Variants in CREBRF observed in about 807,000 individuals in gnomAD.
CREBRF encodes the protein CREB3 regulatory factor, also known as UPF0474 protein C5orf41.
A neutral mutation model predicts 66.1 loss-of-function variants in CREBRF; 5 were observed. The observed-to-expected ratio is 0.08, with a 90% CI of 0.04 to 0.16. CREBRF has a LOEUF of 0.16. Among genes scored for constraint, CREBRF ranks in the 10% least tolerant of loss-of-function variants. The pLI, the probability that CREBRF is intolerant of heterozygous loss-of-function variation, is 1.00. For synonymous variants in CREBRF, 229 were observed against 264.4 expected (o/e 0.87, Z 1.30); for missense variants, 531 against 744.9 (o/e 0.71, Z 3.34).
rs1006412978 is a variant in CREBRF, at chr5:173,135,774, C to A, written c.*2029C>A. The A allele has an allele frequency of 1.3e-5, 2 of 152,304 alleles. No homozygotes were observed. Among genetic ancestry groups the A allele is most frequent in the African/African-American group, 4.8e-5 (2 of 41,424 alleles). 9.4% of individuals were successfully genotyped at this position (152,304 alleles called of 1,614,324 possible). A position where few individuals can be genotyped will look rare whatever the true frequency, so the allele number is the denominator to read the frequency against. ...ACCCAGTAACAAATGAACAATGTTG[C>A]TTACCTGCTTCTTTGACATCTTAAA... On this transcript the variant is annotated 3_prime_UTR_variant, in exon 9 of 9. Transcript: ENST00000296953.
At chr5:173,124,693 A>G (rs985634416) in intron 8 of CREBRF, 1 of 151,658 alleles carries the variant, frequency 6.6e-6, no homozygotes, top group African/African-American at 2.4e-5. Flanking sequence ...GCTAAGTTAT[A>G]TCTTAGAGTT....
intron 4 of CREBRF, among the ~76,000 whole-genome samples, chr5:173,105,768 G>A (rs1441354398): frequency 6.6e-6 from 1 of 151,770 alleles, no homozygotes; most frequent in African/African-American, 2.4e-5. Context: ...CTGGCCATGA[G>A]GGCCTTTTTA....
Position 173,069,906 on chromosome 5 carries a change from A to AT in CREBRF, c.-191-10679_-191-10678insT, listed in dbSNP as rs1757548461. The stretch of plus-strand genomic sequence containing the variant: ...AAATCTGAGAAAGGAGGAAGGAAAC[A>AT]ATTTTTTTTTTTTTTGAGACGGAAT... On this transcript the variant is annotated intron_variant, in intron 1 of 8. Transcript: ENST00000296953. Among the ~76,000 whole-genome samples the AT allele has an allele frequency of 2.0e-5, 3 of 149,790 alleles. No individual in the cohort carries two copies. In the South Asian group the frequency reaches 6.7e-4, roughly 33 times the overall value.
At chr5:173,099,368 C>A (rs1463151734) in intron 4 of CREBRF, among the ~76,000 whole-genome samples, 1 of 152,128 alleles carries the variant, frequency 6.6e-6, no homozygotes, top group African/African-American at 2.4e-5. Flanking sequence ...GTTGCCTAGG[C>A]TGGTCTTGAA....
intron 1 of CREBRF, among the ~76,000 whole-genome samples, chr5:173,065,277 G>A (rs1453084239): frequency 6.6e-6 from 1 of 152,188 alleles, no homozygotes; most frequent in East Asian, 1.9e-4. Context: ...AAGATGTGTA[G>A]TGTGGGGTTG....
chr5:173,104,621 A>C (rs1758706274), intron 4 of CREBRF, among the ~76,000 whole-genome samples: 1 of 152,066 alleles, frequency 6.6e-6, no homozygotes, highest in Non-Finnish European at 1.5e-5. Context: ...TCGAGGCTGC[A>C]GTGAGTTGTG....
chr5:173,070,247 G>A (rs1757557834), intron 1 of CREBRF, among the ~76,000 whole-genome samples: 2 of 152,116 alleles, frequency 1.3e-5, no homozygotes, highest in African/African-American at 4.8e-5. Context: ...CAGCATCAAA[G>A]TTGTTACAGT....
chr5:173,129,180 G>T (rs543978147), intron 8 of CREBRF, among the ~76,000 whole-genome samples: 1 of 133,008 alleles, frequency 7.5e-6, no homozygotes, highest in Non-Finnish European at 1.5e-5. Flanking sequence ...GCAGTGGCGC[G>T]ATCTCGGCTC....
chr5:173,105,225 ATG>A (rs34768667), intron 4 of CREBRF, among the ~76,000 whole-genome samples: 21,960 of 145,758 alleles, frequency 0.15, 1,808 homozygotes, highest in African/African-American at 0.23. Context: ...GTGTGTATAT[ATG>A]TGTGTGTGTG....
intron 7 of CREBRF, among the ~76,000 whole-genome samples, chr5:173,119,312 A>G (rs550123284): frequency 6.6e-6 from 1 of 152,290 alleles, no homozygotes; most frequent in South Asian, 2.1e-4. Context: ...TGGACCTGGT[A>G]TCTCTCTCTA....
chr5:173,133,931 C>A lies in CREBRF; in HGVS notation c.*186C>A. ...ATACTTGATTATTGCATTTTCAGAG[C>A]ATAAACCATGATTAAAACTGCTACT... On this transcript the variant is annotated 3_prime_UTR_variant, in exon 9 of 9. Coordinates refer to ENST00000296953, the MANE Select transcript of CREBRF (RefSeq NM_153607.3). The A allele has an allele frequency of 2.5e-6, 1 of 403,928 alleles. No homozygotes were observed. Among genetic ancestry groups the A allele is most frequent in the Non-Finnish European group, 4.4e-6 (1 of 224,780 alleles). 25.0% of individuals were successfully genotyped at this position (403,928 alleles called of 1,614,324 possible).
chr5:173,112,831 G>A (rs780967691), intron 7 of CREBRF, among the ~76,000 whole-genome samples: 3 of 152,074 alleles, frequency 2.0e-5, no homozygotes, highest in African/African-American at 7.2e-5. Context: ...TTTAGGCTTC[G>A]TATGAATAAT....
At chr5:173,076,692 G>A (rs1757774232) in intron 1 of CREBRF, among the ~76,000 whole-genome samples, 2 of 149,498 alleles carry the variant, frequency 1.3e-5, no homozygotes, top group South Asian at 4.2e-4. Flanking sequence ...GGAGGTGGAG[G>A]TTGCAGTGAG....
chr5:173,123,099 C>A lies in CREBRF; in HGVS notation c.1701C>A (p.Ile567=), dbSNP rs777246701. 1.6e-5 allele frequency: 26 copies of A among 1,599,474 alleles called. No individual in the cohort carries two copies. Among genetic ancestry groups the A allele is most frequent in the Non-Finnish European group, 2.1e-5 (25 of 1,176,120 alleles). The change falls in exon 8 of 9, where the codon ATC becomes ATA. Residue 567 remains isoleucine (I), a synonymous_variant. Transcript: ENST00000296953. ...NTEYDNLLFV[I]NSIKQEIVNR... ...TTACAGATAATTTATTGTTTGTAAT[C>A]AACTCCATCAAGCAAGAGATTGTAA...
intron 1 of CREBRF, among the ~76,000 whole-genome samples, chr5:173,067,568 T>C (rs1285211638): frequency 6.6e-6 from 1 of 152,224 alleles, no homozygotes; most frequent in East Asian, 1.9e-4. Flanking sequence ...AAATTTTATA[T>C]GAAATTTCAT....
intron 1 of CREBRF, among the ~76,000 whole-genome samples, chr5:173,066,793 G>A (rs1432955924): frequency 2.1e-5 from 3 of 139,780 alleles, no homozygotes; most frequent in Admixed American, 1.4e-4. Context: ...ATATTGTGTC[G>A]TATATTCATT....
At chr5:173,079,339 T>A (rs1314553655) in intron 1 of CREBRF, among the ~76,000 whole-genome samples, 1 of 151,792 alleles carries the variant, frequency 6.6e-6, no homozygotes, top group African/African-American at 2.4e-5. Flanking sequence ...GTTGCTTGCC[T>A]GTAATCTCAG....
chr5:173,066,438 GGTA>G (rs1353003219), intron 1 of CREBRF, among the ~76,000 whole-genome samples: 1 of 151,964 alleles, frequency 6.6e-6, no homozygotes, highest in Non-Finnish European at 1.5e-5. Flanking sequence ...AACTTTCCCA[GGTA>G]GTAGTATTCT....
At chr5:173,066,095 G>C (rs548509713) in intron 1 of CREBRF, among the ~76,000 whole-genome samples, 5 of 152,052 alleles carry the variant, frequency 3.3e-5, no homozygotes, top group Non-Finnish European at 5.9e-5. Flanking sequence ...GGCTGCAGGC[G>C]TGTGCCACCT....
Sources: allele counts gnomAD v4.1 joint callset (sites outside exome capture counted in the v4.1 genomes callset), GRCh38; gene constraint gnomAD v4.1.1; transcripts MANE v1.5; gene names NCBI Gene and HGNC (gene_info 2026-07-23, HGNC 2026-07-21).